Variants in PDE1C observed in about 807,000 individuals in gnomAD.
The protein encoded by PDE1C is phosphodiesterase 1C, also known as dual specificity calcium/calmodulin-dependent 3',5'-cyclic nucleotide phosphodiesterase 1C.
PDE1C carries 62 observed loss-of-function variants against 93.1 expected under a neutral mutation model. The observed-to-expected ratio is 0.67, with a 90% CI of 0.54 to 0.82. The LOEUF is 0.82. Among genes scored for constraint, PDE1C ranks in the 40% least tolerant of loss-of-function variants. PDE1C has a pLI of 0.00. For synonymous variants in PDE1C, 325 were observed against 310.1 expected (o/e 1.05, Z -0.50); for missense variants, 742 against 884.6 (o/e 0.84, Z 2.04).
intron 3 of PDE1C, among the ~76,000 whole-genome samples, chr7:32,109,686 G>A (rs1254357939): frequency 6.6e-6 from 1 of 152,204 alleles, no homozygotes; most frequent in African/African-American, 2.4e-5. Flanking sequence ...ACGCAGCAGA[G>A]ATTTTGATTC....
rs114647833 is a variant in PDE1C at position 32,052,584 on chromosome 7, T to G, written c.102-1004A>C. 2.6e-3 allele frequency among the ~76,000 whole-genome samples: 402 copies of G among 152,254 alleles called. 1 individual carries two copies. Among genetic ancestry groups the G allele is most frequent in the African/African-American group, 9.4e-3 (392 of 41,540 alleles). On this transcript the variant is annotated intron_variant, in intron 1 of 17. Coordinates refer to ENST00000396191, the MANE Select transcript of PDE1C (RefSeq NM_001191057.4). Reference sequence around the variant, plus strand: ...AAGTACAATGTTTCCCAGTTGACCTTAGTTCCACACCAGCATTTCCATTAC... The same window carrying G: ...AAGTACAATGTTTCCCAGTTGACCTGAGTTCCACACCAGCATTTCCATTAC...
At chr7:31,899,078 T>C (rs1296780669) in intron 2 of PDE1C, among the ~76,000 whole-genome samples, 1 of 151,674 alleles carries the variant, frequency 6.6e-6, no homozygotes, top group Non-Finnish European at 1.5e-5. Flanking sequence ...GTCAGTGCCC[T>C]TAGTGGACTG....
At chr7:32,343,109 A>G (rs903787096) in intron 1 of PDE1C, among the ~76,000 whole-genome samples, 2 of 152,170 alleles carry the variant, frequency 1.3e-5, no homozygotes, top group African/African-American at 4.8e-5. Flanking sequence ...GCCAACAAGG[A>G]CTTGTGGACA....
chr7:31,665,329 T>A, the PDE1C span, among the ~76,000 whole-genome samples: 6 of 152,190 alleles, frequency 3.9e-5, no homozygotes, highest in Non-Finnish European at 7.3e-5. Flanking sequence ...ACAGTCTATA[T>A]CCATTGATCC....
At chr7:31,669,390 TA>T in the PDE1C span, among the ~76,000 whole-genome samples, 1 of 152,160 alleles carries the variant, frequency 6.6e-6, no homozygotes, top group South Asian at 2.1e-4. Context: ...ATACAAAAAA[TA>T]ATCTGTTAAT....
At chr7:32,390,098 C>CT (rs1351567543) in intron 1 of PDE1C, among the ~76,000 whole-genome samples, 3 of 152,036 alleles carry the variant, frequency 2.0e-5, no homozygotes, top group Non-Finnish European at 4.4e-5. Flanking sequence ...TATTTTTCCC[C>CT]TTTTTTCTGT....
intron 2 of PDE1C, among the ~76,000 whole-genome samples, chr7:31,989,943 A>G (rs1332697693): frequency 3.3e-5 from 5 of 152,242 alleles, no homozygotes; most frequent in African/African-American, 4.8e-5. Context: ...CTTATTGAGG[A>G]CTAGGCACTG....
chr7:31,738,101 A>G, the PDE1C span, among the ~76,000 whole-genome samples: 1,079 of 152,220 alleles, frequency 7.1e-3, 15 homozygotes, highest in African/African-American at 0.025. Context: ...GACGATGCTC[A>G]GTGTACACCT....
chr7:31,845,907 C>T (rs1380363891), intron 9 of PDE1C, among the ~76,000 whole-genome samples: 2 of 152,028 alleles, frequency 1.3e-5, no homozygotes, highest in African/African-American at 2.4e-5. Context: ...GCAGGAGAAT[C>T]GCTTGAATTT....
chr7:31,932,181 C>T (rs139045571), intron 2 of PDE1C, among the ~76,000 whole-genome samples: 18 of 152,218 alleles, frequency 1.2e-4, no homozygotes, highest in African/African-American at 2.4e-4. Flanking sequence ...ACTAAAACAA[C>T]GAAAGCAATG....
At chr7:32,357,337 C>CA (rs568512050) in intron 1 of PDE1C, among the ~76,000 whole-genome samples, 25,254 of 146,778 alleles carry the variant, frequency 0.17, 3,388 homozygotes, top group African/African-American at 0.38. Context: ...CCATCACACA[C>CA]AAAAAAAAAA....
chr7:32,381,603 G>A (rs1469415191), intron 1 of PDE1C, among the ~76,000 whole-genome samples: 1 of 151,984 alleles, frequency 6.6e-6, no homozygotes, highest in Non-Finnish European at 1.5e-5. Context: ...TCCTCAACCT[G>A]GAAAGCTCCC....
intron 2 of PDE1C, among the ~76,000 whole-genome samples, chr7:31,902,938 C>T (rs560896034): frequency 6.6e-6 from 1 of 151,742 alleles, no homozygotes; most frequent in African/African-American, 2.4e-5. Flanking sequence ...AAACCAAATG[C>T]TGAGATTATC....
chr7:31,985,099 T>G (rs1045714216), intron 2 of PDE1C, among the ~76,000 whole-genome samples: 1 of 152,124 alleles, frequency 6.6e-6, no homozygotes, highest in Non-Finnish European at 1.5e-5. Context: ...CCAGACACCA[T>G]CAAGCCATGA....
chr7:32,330,537 T>C (rs185347147), intron 1 of PDE1C, among the ~76,000 whole-genome samples: 1 of 152,352 alleles, frequency 6.6e-6, no homozygotes, highest in Admixed American at 6.5e-5. Flanking sequence ...ATGGCCTCAA[T>C]ATAGCCAGAA....
chr7:31,936,470 A>G (rs1283444371), intron 2 of PDE1C, among the ~76,000 whole-genome samples: 1 of 151,964 alleles, frequency 6.6e-6, no homozygotes, highest in Non-Finnish European at 1.5e-5. Context: ...ATAACACCTC[A>G]TTTATCCCAA....
At chr7:32,376,291 C>A (rs1307093847) in intron 1 of PDE1C, among the ~76,000 whole-genome samples, 1 of 152,236 alleles carries the variant, frequency 6.6e-6, no homozygotes, top group Non-Finnish European at 1.5e-5. Flanking sequence ...TATCTGCAGT[C>A]CAGCTTTGAA....
intron 1 of PDE1C, among the ~76,000 whole-genome samples, chr7:32,053,814 T>A (rs1210412361): frequency 6.6e-6 from 1 of 152,106 alleles, no homozygotes; most frequent in Non-Finnish European, 1.5e-5. Flanking sequence ...CTAATCCTCA[T>A]AACTCTGTAG....
intron 2 of PDE1C, among the ~76,000 whole-genome samples, chr7:31,975,577 TTA>T (rs138327648): frequency 1.3e-5 from 2 of 150,868 alleles, no homozygotes; most frequent in Admixed American, 6.6e-5. Context: ...ATATCTAATT[TTA>T]TATATATATA....
Sources: gnomAD v4.1 joint callset for allele counts (sites outside exome capture counted in the v4.1 genomes callset) on GRCh38, gnomAD v4.1.1 for gene constraint, MANE v1.5 for transcripts, NCBI Gene and HGNC (gene_info 2026-07-23, HGNC 2026-07-21) for gene names.